NAALADL2: variants seen among roughly 807,000 people sequenced by gnomAD.
The protein encoded by NAALADL2 is N-acetylated alpha-linked acidic dipeptidase like 2.
In NAALADL2, 76 loss-of-function variants were observed where a neutral mutation model predicts 87.2. The observed-to-expected ratio is 0.87, with a 90% confidence interval of 0.72 to 1.05. The LOEUF is 1.05. Among genes scored for constraint, NAALADL2 ranks in the 50% least tolerant of loss-of-function variants. The pLI is 0.00. For missense variants in NAALADL2, 1,089 were observed against 945.8 expected, an observed-to-expected ratio of 1.15 and a Z score of -1.99; for synonymous variants, 354 against 331.0, an observed-to-expected ratio of 1.07 and a Z score of -0.75.
chr3:174,514,181 G>A (rs894164293), intron 1 of NAALADL2, among the ~76,000 whole-genome samples: 2 of 152,054 alleles, frequency 1.3e-5, no homozygotes, highest in South Asian at 4.2e-4. Context: ...TTTCCACCCA[G>A]TACCTTTGTA....
rs532469384 is a variant in NAALADL2, at chr3:175,461,486, C to T, written c.1235-1915C>T. Among the ~76,000 whole-genome samples, 16 of 152,256 alleles carry T rather than the reference C, an allele frequency of 1.1e-4. No homozygotes were observed. In the East Asian group the frequency reaches 1.9e-3, roughly 18 times the overall value. ...CACCTCTCAATCCCCCCTCTAATCA[C>T]GACACCCCAACAGCTGTTGGGAATT... On this transcript the variant is annotated intron_variant, in intron 6 of 13. Transcript: ENST00000454872.
At chr3:174,874,723 A>G (rs747483722) in intron 1 of NAALADL2, among the ~76,000 whole-genome samples, 27 of 152,258 alleles carry the variant, frequency 1.8e-4, no homozygotes, top group Non-Finnish European at 3.4e-4. Flanking sequence ...TATTTTACAA[A>G]TGTCCTATTT....
intron 5 of NAALADL2, among the ~76,000 whole-genome samples, chr3:175,354,602 A>ACCTTTT (rs1043559131): frequency 2.0e-5 from 3 of 152,070 alleles, no homozygotes; most frequent in Admixed American, 2.0e-4. Flanking sequence ...AAATTGATTT[A>ACCTTTT]CCTTTTTTCA....
intron 5 of NAALADL2, among the ~76,000 whole-genome samples, chr3:175,336,478 T>C (rs1037861504): frequency 6.6e-6 from 1 of 152,174 alleles, no homozygotes; most frequent in African/African-American, 2.4e-5. Context: ...TAGAAATGTA[T>C]GGTTTGTACC....
chr3:175,178,565 A>C (rs888829357), intron 2 of NAALADL2, among the ~76,000 whole-genome samples: 2 of 152,030 alleles, frequency 1.3e-5, no homozygotes, highest in African/African-American at 4.8e-5. Context: ...AGAAATGTTA[A>C]TGCTGGAAAA....
intron 5 of NAALADL2, among the ~76,000 whole-genome samples, chr3:175,388,388 T>C (rs1768664876): frequency 1.3e-5 from 2 of 152,142 alleles, no homozygotes; most frequent in African/African-American, 4.8e-5. Flanking sequence ...AGTGTAGACA[T>C]TGCTAGACAT....
At chr3:175,163,317 G>C (rs896623154) in intron 2 of NAALADL2, among the ~76,000 whole-genome samples, 3 of 151,984 alleles carry the variant, frequency 2.0e-5, no homozygotes, top group African/African-American at 2.4e-5. Flanking sequence ...AAACTTACTG[G>C]AAAACATCCA....
rs1025942823 is a variant in NAALADL2 at position 175,806,654 on chromosome 3, C to T, written c.*3451C>T. 3 of 150,428 alleles carry T rather than the reference C, an allele frequency of 2.0e-5. No homozygotes were observed. Among genetic ancestry groups the T allele is most frequent in the Non-Finnish European group, 4.4e-5 (3 of 67,588 alleles). The allele number at this position is 150,428 out of a possible 1,614,324, so 9.3% of individuals were successfully genotyped here. A position where few individuals can be genotyped will look rare whatever the true frequency, so the allele number is the denominator to read the frequency against. Reference sequence around the variant, plus strand: ...AGCTTATATTTGTGCCTGCTACATCCCAGGCACTGGTGTTTTAGAATTTTT... The same window carrying T: ...AGCTTATATTTGTGCCTGCTACATCTCAGGCACTGGTGTTTTAGAATTTTT... On this transcript the variant is annotated 3_prime_UTR_variant, in exon 14 of 14. Coordinates refer to ENST00000454872, the MANE Select transcript of NAALADL2 (RefSeq NM_207015.3).
intron 5 of NAALADL2, among the ~76,000 whole-genome samples, chr3:175,332,615 T>C (rs1363604875): frequency 6.6e-6 from 1 of 152,236 alleles, no homozygotes; most frequent in African/African-American, 2.4e-5. Context: ...TTTTGATTTT[T>C]TTCTAAATTT....
intron 1 of NAALADL2, among the ~76,000 whole-genome samples, chr3:174,516,720 T>C (rs1357652471): frequency 6.6e-6 from 1 of 152,042 alleles, no homozygotes; most frequent in East Asian, 1.9e-4. Flanking sequence ...CTTAAAATCA[T>C]AAGTTAGTTG....
chr3:175,482,701 T>C (rs1026067678), intron 9 of NAALADL2, among the ~76,000 whole-genome samples: 1 of 151,880 alleles, frequency 6.6e-6, no homozygotes, highest in Non-Finnish European at 1.5e-5. Flanking sequence ...TGAGATTATC[T>C]CTCCCTTTCA....
At chr3:175,558,900 T>A (rs766276724) in intron 9 of NAALADL2, among the ~76,000 whole-genome samples, 2 of 152,206 alleles carry the variant, frequency 1.3e-5, no homozygotes, top group Non-Finnish European at 2.9e-5. Context: ...TAGCTTTGGC[T>A]ATTCTGGGTC....
At chr3:175,730,853 G>C (rs975879570) in intron 11 of NAALADL2, among the ~76,000 whole-genome samples, 2 of 152,086 alleles carry the variant, frequency 1.3e-5, no homozygotes, top group Admixed American at 6.6e-5. Context: ...AGGTACATGT[G>C]TGCTTGTAAA....
At chr3:175,045,681 C>T (rs947979730) in intron 1 of NAALADL2, among the ~76,000 whole-genome samples, 4 of 152,104 alleles carry the variant, frequency 2.6e-5, no homozygotes, top group Non-Finnish European at 4.4e-5. Context: ...CTCTGAGTCA[C>T]GCAGGGTGGC....
At chr3:175,485,206 A>G (rs984133476) in intron 9 of NAALADL2, among the ~76,000 whole-genome samples, 2 of 152,290 alleles carry the variant, frequency 1.3e-5, no homozygotes, top group Admixed American at 6.6e-5. Context: ...ACAAAATTCA[A>G]ATGTTAAAAC....
In NAALADL2 at chr3:175,791,178, C is replaced by T. The variant is rs567796004; in HGVS notation, c.2190-11827C>T. 1.8e-4 allele frequency among the ~76,000 whole-genome samples: 28 copies of T among 152,240 alleles called. No individual in the cohort carries two copies. The South Asian group carries it at 5.0e-3, about 27-fold the overall frequency. ...ATGAGGGGAAAAATGTGCTATATAG[C>T]GGGGCAGCAAACTAGAGGATAATTC... On this transcript the variant is annotated intron_variant, in intron 13 of 13. Transcript: ENST00000454872.
chr3:175,324,488 A>G (rs1026958037), intron 5 of NAALADL2, among the ~76,000 whole-genome samples, 163 bp downstream of exon 5: 2 of 152,254 alleles, frequency 1.3e-5, no homozygotes, highest in Non-Finnish European at 2.9e-5. Flanking sequence ...ATAATTATAG[A>G]CTACCAATTT....
intron 4 of NAALADL2, among the ~76,000 whole-genome samples, chr3:175,308,445 G>C (rs1757968609): frequency 6.6e-6 from 1 of 152,138 alleles, no homozygotes; most frequent in Non-Finnish European, 1.5e-5. Context: ...TGCGTGGCAG[G>C]GGACTGGCGG....
In NAALADL2 at chr3:175,481,003, A is replaced by G. The variant is rs564615427; in HGVS notation, c.1653+9245A>G. ...CTATCCAGAGAGAAACACTGAGAAC[A>G]TTTTTTCTTTGTGTAATGCATGCAG... On this transcript the variant is annotated intron_variant, in intron 9 of 13. Transcript: ENST00000454872. Among the ~76,000 whole-genome samples, 4 of 151,950 alleles carry G rather than the reference A, an allele frequency of 2.6e-5. No individual in the cohort carries two copies. In the South Asian group the frequency reaches 8.3e-4, roughly 31 times the overall value.
Sources: gnomAD v4.1 joint callset for allele counts (sites outside exome capture counted in the v4.1 genomes callset) on GRCh38, gnomAD v4.1.1 for gene constraint, MANE v1.5 for transcripts, NCBI Gene and HGNC (gene_info 2026-07-23, HGNC 2026-07-21) for gene names.